Variants in DOCK10 observed in about 807,000 individuals in gnomAD.
DOCK10 encodes the protein dedicator of cytokinesis protein 10.
In DOCK10, 145 loss-of-function variants were observed where a neutral mutation model predicts 280.1. The ratio of observed to expected loss-of-function variants is 0.52; its 90% CI spans 0.45 to 0.59. DOCK10 has a LOEUF of 0.59. Among genes scored for constraint, DOCK10 ranks in the 20% least tolerant of loss-of-function variants. DOCK10 has a pLI of 0.00. For missense variants in DOCK10, 2,368 were observed against 2,651.7 expected, an observed-to-expected ratio of 0.89 and a Z score of 2.35; for synonymous variants, 915 against 942.2, an observed-to-expected ratio of 0.97 and a Z score of 0.53.
At chr2:224,976,982 C>G (rs940111326) in intron 1 of DOCK10, among the ~76,000 whole-genome samples, 1 of 152,214 alleles carries the variant, frequency 6.6e-6, no homozygotes, top group African/African-American at 2.4e-5. Flanking sequence ...GAAGCACCAA[C>G]AGAGAGGACT....
intron 1 of DOCK10, among the ~76,000 whole-genome samples, chr2:224,956,309 T>G (rs528519480): frequency 2.6e-5 from 4 of 151,422 alleles, no homozygotes; most frequent in African/African-American, 7.3e-5. Context: ...ATTTGGGGGG[T>G]TTAGTAATCT....
At position 224,874,068 on chromosome 2, in the gene DOCK10, C is replaced by A; in HGVS notation, c.1185G>T (p.Met395Ile). 1 of 1,613,492 alleles carries A rather than the reference C, an allele frequency of 6.2e-7. No homozygotes were observed. Among genetic ancestry groups the A allele is most frequent in the Admixed American group, 1.7e-5 (1 of 59,982 alleles). Reference protein sequence around the residue: ...PFEEKAAKRIMIICKALNSNL... With the variant: ...PFEEKAAKRIIIICKALNSNL... ...TTGAGTTGAGGGCTTTACAGATGATCATGATTCTCTTGGCAGCTTTTTCTT... is the reference window on the plus strand; with the variant it reads ...TTGAGTTGAGGGCTTTACAGATGATAATGATTCTCTTGGCAGCTTTTTCTT... The change falls in exon 11 of 56, where the codon ATG (methionine) becomes ATT (isoleucine). Residue 395 changes from methionine (M) to isoleucine (I), a missense_variant. Physicochemically the swap from Met to Ile is conservative, Grantham distance 10. Transcript: ENST00000258390.
chr2:224,812,917 A>G (rs1192388697), intron 31 of DOCK10, among the ~76,000 whole-genome samples: 1 of 152,068 alleles, frequency 6.6e-6, no homozygotes, highest in African/African-American at 2.4e-5. Flanking sequence ...TTTTGCATCA[A>G]TGTTCATCAA....
At chr2:224,947,757 C>T (rs1045623471) in intron 1 of DOCK10, among the ~76,000 whole-genome samples, 4 of 152,118 alleles carry the variant, frequency 2.6e-5, no homozygotes, top group Non-Finnish European at 2.9e-5. Flanking sequence ...GTCACTGACA[C>T]GTAACACAAC....
chr2:224,897,599 T>C (rs905891144), intron 3 of DOCK10, among the ~76,000 whole-genome samples: 6 of 152,150 alleles, frequency 3.9e-5, no homozygotes, highest in African/African-American at 1.2e-4. Flanking sequence ...TCTCTGTGGG[T>C]TGAATTGTTT....
In DOCK10 at chr2:224,770,054, C is replaced by T. The variant is rs1248292701; in HGVS notation, c.6444+157G>A. On this transcript the variant is annotated intron_variant, in intron 55 of 55. Transcript: ENST00000258390. The surrounding 1 kb of genome is among the most constrained non-coding windows in gnomAD (Gnocchi z 4.5). The stretch of plus-strand genomic sequence containing the variant: ...CCAGCCTGATCTCTGCTTTGGGGCA[C>T]GAGGTGGTGTGCACGGGAGAGAGAA... 6.6e-6 allele frequency among the ~76,000 whole-genome samples: 1 copy of T among 152,166 alleles called. No homozygotes were observed. The highest frequency in any genetic ancestry group is 1.5e-5 in the Non-Finnish European group (1 of 68,038).
Position 224,819,485 on chromosome 2 carries a change from G to A in DOCK10, c.3228C>T (p.Val1076=), listed in dbSNP as rs767920201. Residue 1076 remains valine, a synonymous_variant, in exon 29 of 56, where the codon GTC becomes GTT. Coordinates refer to ENST00000258390, the MANE Select transcript of DOCK10 (RefSeq NM_014689.3). ...AGGAGAACATGCTGATGTAATTGTT[G>A]ACCATCTTAAACACATACCCTCGGT... ...FMDRGYVFKM[V]NNYISMFSSG... is the part of the protein sequence containing the mutation. 2.0e-5 allele frequency: 32 copies of A among 1,611,148 alleles called. No individual in the cohort carries two copies. Among genetic ancestry groups the A allele is most frequent in the Non-Finnish European group, 2.0e-5 (23 of 1,178,714 alleles).
chr2:224,900,527 G>T (rs1400449561), intron 3 of DOCK10, among the ~76,000 whole-genome samples: 2 of 152,160 alleles, frequency 1.3e-5, no homozygotes, highest in East Asian at 3.8e-4. Context: ...TTTGATGGTT[G>T]CAAACCTTAA....
At chr2:224,767,945 C>A (rs967479034) in intron 55 of DOCK10, among the ~76,000 whole-genome samples, 2 of 149,288 alleles carry the variant, frequency 1.3e-5, no homozygotes, top group Non-Finnish European at 3.0e-5. Flanking sequence ...CACAGTTTTG[C>A]TCTTGTCTCC....
chr2:224,804,449 GTTT>G (rs80246998), intron 38 of DOCK10, among the ~76,000 whole-genome samples: 1 of 138,188 alleles, frequency 7.2e-6, no homozygotes. Context: ...CAGATTACTT[GTTT>G]TTTTTTTTTT....
At chr2:225,016,453 T>A (rs1246550105) in intron 1 of DOCK10, among the ~76,000 whole-genome samples, 1 of 151,320 alleles carries the variant, frequency 6.6e-6, no homozygotes, top group East Asian at 2.0e-4. Flanking sequence ...TGATATTATC[T>A]ATGTGCACAT....
intron 3 of DOCK10, among the ~76,000 whole-genome samples, chr2:224,916,039 C>G (rs1701290354): frequency 6.6e-6 from 1 of 152,208 alleles, no homozygotes; most frequent in African/African-American, 2.4e-5. Context: ...GGGTGGATCC[C>G]TCATGAAAGG....
rs994649853 is a variant in DOCK10 at position 224,987,671 on chromosome 2, A to G, written c.123+54581T>C. On this transcript the variant is annotated intron_variant, in intron 1 of 55. Coordinates refer to ENST00000258390, the MANE Select transcript of DOCK10 (RefSeq NM_014689.3). The stretch of plus-strand genomic sequence containing the variant: ...AGCTTGTCCACAGGTCAGTCTGACC[A>G]AGTGAAGGAGAGGATTCAAATGTTC... Among the ~76,000 whole-genome samples, 4 of 152,152 alleles carry G rather than the reference A, an allele frequency of 2.6e-5. No individual in the cohort carries two copies. In the East Asian group the frequency reaches 7.7e-4, roughly 29 times the overall value.
intron 3 of DOCK10, among the ~76,000 whole-genome samples, chr2:224,906,707 C>T (rs1442764299): frequency 6.6e-6 from 1 of 152,230 alleles, no homozygotes; most frequent in East Asian, 1.9e-4. Flanking sequence ...TCTTGATCTC[C>T]TGACCTGGTG....
intron 1 of DOCK10, among the ~76,000 whole-genome samples, chr2:225,029,074 T>C (rs1417227388): frequency 1.3e-5 from 2 of 152,148 alleles, no homozygotes; most frequent in East Asian, 3.8e-4. Context: ...AAGGAGAAAA[T>C]ACCCTGGGTT....
intron 27 of DOCK10, among the ~76,000 whole-genome samples, chr2:224,825,098 C>G (rs912956077): frequency 6.6e-6 from 1 of 151,578 alleles, no homozygotes; most frequent in Admixed American, 6.6e-5. Context: ...TCTGCTTCAG[C>G]CTCCTGAGTA....
chr2:224,910,708 T>C (rs1700959366), intron 3 of DOCK10, among the ~76,000 whole-genome samples: 1 of 152,206 alleles, frequency 6.6e-6, no homozygotes, highest in Admixed American at 6.5e-5. Context: ...CTGGGACCAT[T>C]TCCCAGTCTT....
At chr2:224,782,734 C>T (rs921409011) in intron 50 of DOCK10, among the ~76,000 whole-genome samples, 2 of 152,144 alleles carry the variant, frequency 1.3e-5, no homozygotes, top group African/African-American at 4.8e-5. Context: ...CAGTGGTCTG[C>T]GTGGGACACT....
At chr2:224,819,925 C>T (rs1029284011) in intron 28 of DOCK10, among the ~76,000 whole-genome samples, 1 of 152,116 alleles carries the variant, frequency 6.6e-6, no homozygotes, top group African/African-American at 2.4e-5. Context: ...ATAGCCCCTT[C>T]TTTTTTATAC....
Sources: allele counts gnomAD v4.1 joint callset (sites outside exome capture counted in the v4.1 genomes callset), GRCh38; gene constraint gnomAD v4.1.1; non-coding constraint Gnocchi (gnomAD v3.1); transcripts MANE v1.5; gene names NCBI Gene and HGNC (gene_info 2026-07-23, HGNC 2026-07-21).